The following GMPPA variants were observed in gnomAD, a reference collection of about 807,000 sequenced individuals.
GMPPA encodes the protein mannose-1-phosphate guanylyltransferase regulatory subunit alpha.
GMPPA carries 46 observed loss-of-function variants against 58.6 expected under a neutral mutation model. The observed-to-expected ratio is 0.78, with a 90% CI of 0.62 to 1.00. The LOEUF is 1.00. Ranked by LOEUF, GMPPA falls within the 50% of genes least tolerant of loss-of-function variation. The pLI is 0.00. For synonymous variants in GMPPA, 211 were observed against 214.9 expected (o/e 0.98, Z 0.16); for missense variants, 468 against 556.4 (o/e 0.84, Z 1.60).
intron 7 of GMPPA, 148 bp from the exon 8 acceptor site, chr2:219,505,080 A>T (rs1049391333): frequency 1.2e-5 from 12 of 960,930 alleles, no homozygotes; most frequent in African/African-American, 3.3e-5. Flanking sequence ...GTGAGCAGCC[A>T]CATCCCAGAG....
chr2:219,504,309 C>G (rs1317745206), intron 7 of GMPPA, 96 bp downstream of exon 7: 1 of 1,168,330 alleles, frequency 8.6e-7, no homozygotes, highest in South Asian at 1.4e-5. Context: ...ACTTGCTCAC[C>G]TTCCTCCTCC....
intron 7 of GMPPA, chr2:219,504,808 CAT>C: frequency 9.7e-7 from 1 of 1,025,952 alleles, no homozygotes; most frequent in African/African-American, 1.7e-5. Flanking sequence ...GCATCTCTAC[CAT>C]CTCTCTCTCC....
Position 219,502,579 on chromosome 2 carries a change from C to A in GMPPA, c.489+138C>A. On this transcript the variant is annotated intron_variant, in intron 6 of 12. Coordinates refer to ENST00000313597, the MANE Select transcript of GMPPA (RefSeq NM_013335.4). This position sits in a 1 kb window ranked among gnomAD's most constrained non-coding sequence, Gnocchi z 4.0. ...AGGTGAGACACTCCCGATTAATCATCTTATATCCCTTTAAGAGAGATTGAC... is the reference window on the plus strand; with the variant it reads ...AGGTGAGACACTCCCGATTAATCATATTATATCCCTTTAAGAGAGATTGAC... The A allele has an allele frequency of 3.0e-6, 2 of 665,144 alleles. No individual in the cohort carries two copies. The highest frequency in any genetic ancestry group is 2.8e-5 in the East Asian group (1 of 35,772). The allele number at this position is 665,144 out of a possible 1,614,324, so 41.2% of individuals were successfully genotyped here. A position where few individuals can be genotyped will look rare whatever the true frequency, so the allele number is the denominator to read the frequency against.
intron 12 of GMPPA, 124 bp from the exon 13 acceptor site, chr2:219,506,574 C>T (rs1559449492): frequency 1.2e-5 from 12 of 985,888 alleles, no homozygotes; most frequent in South Asian, 3.0e-5. Flanking sequence ...TGTGAGTCAC[C>T]GGGGGCATGA....
rs763262265 is a variant in GMPPA, at chr2:219,506,741, G to C, written c.1206G>C (p.Ser402=). ...RIPAEVLILN[S]IVLPHKELSR... The stretch of plus-strand genomic sequence containing the variant: ...CTGCCGAGGTGCTCATCCTGAACTC[G>C]ATTGTTCTGCCACACAAGGAGCTGA... Residue 402 remains serine, a synonymous_variant, in exon 13 of 13, where the codon TCG becomes TCC. Coordinates refer to ENST00000313597, the MANE Select transcript of GMPPA (RefSeq NM_013335.4). The C allele has an allele frequency of 1.9e-6, 3 of 1,608,394 alleles. No homozygotes were observed. Among genetic ancestry groups the C allele is most frequent in the South Asian group, 1.1e-5 (1 of 90,958 alleles).
Position 219,500,003 on chromosome 2 carries a change from G to A in GMPPA, c.28G>A (p.Gly10Ser), listed in dbSNP as rs758334851. The A allele has an allele frequency of 6.2e-7, 1 of 1,613,882 alleles. No homozygotes were observed. The highest frequency in any genetic ancestry group is 8.5e-7 in the Non-Finnish European group (1 of 1,179,814). Residue 10 changes from glycine to serine, a missense_variant, in exon 2 of 13, where the codon GGC becomes AGC. Gly to Ser is a moderately conservative substitution (Grantham distance 56, BLOSUM62 0). Transcript: ENST00000313597. MLKAVILIG[G>S]PQKGTRFRPL... is the part of the protein sequence containing the mutation. ...GCTCAAAGCGGTGATCCTGATTGGA[G>A]GCCCTCAAAAGGGTGAGGTGCCAGG...
At position 219,506,363 on chromosome 2, in the gene GMPPA, G is replaced by T. The variant is rs769661929; in HGVS notation, c.1103G>T (p.Arg368Leu). ...CCTAACCCCAACGATCCCCGAGCCCGCATGGACAGTGAGAGCCTCTTCAAG... is the reference window on the plus strand; with the variant it reads ...CCTAACCCCAACGATCCCCGAGCCCTCATGGACAGTGAGAGCCTCTTCAAG... ...SDPNPNDPRARMDSESLFKDG... is the reference protein window; with the variant it reads ...SDPNPNDPRALMDSESLFKDG... Residue 368 changes from arginine to leucine, a missense_variant, in exon 12 of 13, where the codon CGC becomes CTC. Physicochemically the swap from Arg to Leu is moderately radical, Grantham distance 102. Coordinates refer to ENST00000313597, the MANE Select transcript of GMPPA (RefSeq NM_013335.4). 5 of 1,613,604 alleles carry T rather than the reference G, an allele frequency of 3.1e-6. No homozygotes were observed. The South Asian group carries it at 3.3e-5, about 11-fold the overall frequency.
rs765130853 is a variant in GMPPA at position 219,506,299 on chromosome 2, G to A, written c.1039G>A (p.Val347Met). The A allele has an allele frequency of 2.9e-5, 46 of 1,613,814 alleles. No individual in the cohort carries two copies. Among genetic ancestry groups the A allele is most frequent in the Non-Finnish European group, 3.6e-5 (43 of 1,179,900 alleles). Residue 347 changes from valine (V) to methionine (M), a missense_variant, in exon 12 of 13, where the codon GTG becomes ATG. Val to Met is a conservative substitution (Grantham distance 21). Transcript: ENST00000313597. ...LHSIVGWGST[V>M]GRWARVEGTP... ...TAGCATCGTGGGCTGGGGGAGCACC[G>A]TGGGACGCTGGGCCCGCGTGGAGGG...
intron 3 of GMPPA, 73 bp from the exon 4 acceptor site, chr2:219,501,403 C>T: frequency 1.0e-6 from 1 of 974,040 alleles, no homozygotes; most frequent in Non-Finnish European, 1.7e-6. Context: ...GGACTTTGGG[C>T]CAGCACCAAG....
intron 6 of GMPPA, 93 bp from the exon 7 acceptor site, chr2:219,503,990 A>G (rs1694487575): frequency 7.2e-7 from 1 of 1,394,978 alleles, no homozygotes; most frequent in African/African-American, 1.4e-5. Context: ...GGCAGCAGGG[A>G]GGAGAGGCAA....
intron 8 of GMPPA, 45 bp from the exon 9 acceptor site, chr2:219,505,413 A>G (rs1249299893): frequency 1.2e-6 from 2 of 1,608,020 alleles, no homozygotes; most frequent in East Asian, 2.2e-5. Context: ...TGGTGGGCAC[A>G]GGCCCTGCTG....
chr2:219,501,748 G>T, intron 4 of GMPPA, 103 bp from the exon 5 acceptor site: 1 of 1,032,536 alleles, frequency 9.7e-7, no homozygotes, highest in Non-Finnish European at 1.5e-6. Flanking sequence ...GTGGGCCTTG[G>T]GCAGGAGTAG....
Position 219,502,472 on chromosome 2 carries a change from C to T in GMPPA, c.489+31C>T, listed in dbSNP as rs1375828080. 6.3e-7 allele frequency: 1 copy of T among 1,578,460 alleles called. No individual in the cohort carries two copies. Among genetic ancestry groups the T allele is most frequent in the Non-Finnish European group, 8.7e-7 (1 of 1,148,192 alleles). On this transcript the variant is annotated intron_variant, in intron 6 of 12. Coordinates refer to ENST00000313597, the MANE Select transcript of GMPPA (RefSeq NM_013335.4). The surrounding 1 kb of genome is among the most constrained non-coding windows in gnomAD (Gnocchi z 4.0). ...AGCAGAGTGGGGGCTGGGTGGGTGC[C>T]TACTCTGTGTCATCATCCCCTCTAC... is the stretch of plus-strand genomic sequence containing the variant.
chr2:219,506,091 A>T lies in GMPPA; in HGVS notation c.993+19A>T, dbSNP rs1172757856. The T allele has an allele frequency of 4.5e-6, 7 of 1,543,904 alleles. No homozygotes were observed. In the South Asian group the frequency reaches 8.1e-5, roughly 18 times the overall value. ...TTTGCAGGTAGGTACCAGCATACAC[A>T]GCAGCATGTGACACCCCAAGAGGCT... On this transcript the variant is annotated intron_variant, in intron 11 of 12. Transcript: ENST00000313597.
chr2:219,500,064 C>T (rs1370435541), intron 2 of GMPPA, 49 bp downstream of exon 2: 23 of 1,600,604 alleles, frequency 1.4e-5, no homozygotes, highest in Middle Eastern at 1.7e-4. Flanking sequence ...GAGTGGTAGG[C>T]GGGATGGGGG....
rs761659955 is a variant in GMPPA, at chr2:219,501,525, A to G, written c.188A>G (p.Glu63Gly). ...CTCATTGGCTTCTACCAACCTGATG[A>G]GCCCCTCACCCAGTTCCTAGAAGCC... ...ILLIGFYQPD[E>G]PLTQFLEAAQ... Residue 63 changes from glutamate to glycine, a missense_variant, in exon 4 of 13, where the codon GAG becomes GGG. Glu to Gly is a moderately conservative substitution (Grantham distance 98). Coordinates refer to ENST00000313597, the MANE Select transcript of GMPPA (RefSeq NM_013335.4). 6.2e-7 allele frequency: 1 copy of G among 1,613,366 alleles called. No individual in the cohort carries two copies.
At chr2:219,500,617 C>G in intron 3 of GMPPA, 1 of 244,572 alleles carries the variant, frequency 4.1e-6, no homozygotes, top group Non-Finnish European at 8.1e-6. Context: ...AATTCAGTCT[C>G]TGCCTGCTGT....
In GMPPA at chr2:219,502,567, C is replaced by T; in HGVS notation, c.489+126C>T. On this transcript the variant is annotated intron_variant, in intron 6 of 12. Transcript: ENST00000313597. The surrounding 1 kb of genome is among the most constrained non-coding windows in gnomAD (Gnocchi z 4.0). ...GTCTTGTCAGACAGGTGAGACACTC[C>T]CGATTAATCATCTTATATCCCTTTA... 1.4e-6 allele frequency: 1 copy of T among 714,844 alleles called. No homozygotes were observed. Among genetic ancestry groups the T allele is most frequent in the Non-Finnish European group, 2.5e-6 (1 of 400,510 alleles). The allele number at this position is 714,844 out of a possible 1,614,324, so 44.3% of individuals were successfully genotyped here.
At chr2:219,501,697 G>C in intron 4 of GMPPA, 118 bp downstream of exon 4, 1 of 915,032 alleles carries the variant, frequency 1.1e-6, no homozygotes, top group Non-Finnish European at 1.8e-6. Flanking sequence ...AAGGATTCTT[G>C]TTTGGACATC....
Sources: allele counts gnomAD v4.1 joint callset, GRCh38; gene constraint gnomAD v4.1.1; non-coding constraint Gnocchi (gnomAD v3.1); transcripts MANE v1.5; gene names NCBI Gene and HGNC (gene_info 2026-07-23, HGNC 2026-07-21).